Variants in BZW2 observed in about 807,000 individuals in gnomAD.
The protein encoded by BZW2 is eIF5-mimic protein 1.
A neutral mutation model predicts 53.2 loss-of-function variants in BZW2; 23 were observed. The observed-to-expected ratio is 0.43, with a 90% CI of 0.31 to 0.61. BZW2 has a LOEUF of 0.61. BZW2 is among the 20% of genes least tolerant of loss of function. The pLI, the probability that BZW2 is intolerant of heterozygous loss-of-function variation, is 0.09. For synonymous variants in BZW2, 227 were observed against 186.4 expected, an observed-to-expected ratio of 1.22 and a Z score of -1.77; for missense variants, 409 against 503.1, an observed-to-expected ratio of 0.81 and a Z score of 1.79.
intron 5 of BZW2, 81 bp from the exon 6 acceptor site, chr7:16,685,824 C>T: frequency 7.0e-7 from 1 of 1,438,656 alleles, no homozygotes; most frequent in Non-Finnish European, 9.1e-7. Context: ...TATCTTCCCA[C>T]TTCAGTCCTT....
At chr7:16,666,438 C>T (rs1036980991) in intron 2 of BZW2, among the ~76,000 whole-genome samples, 6 of 128,480 alleles carry the variant, frequency 4.7e-5, no homozygotes, top group Non-Finnish European at 8.7e-5. Context: ...GAGTCTTGCT[C>T]CGTCGTCAGG....
intron 2 of BZW2, among the ~76,000 whole-genome samples, chr7:16,670,571 A>G (rs570509083): frequency 7.9e-5 from 12 of 152,298 alleles, no homozygotes; most frequent in African/African-American, 2.9e-4. Context: ...TTCTCATATT[A>G]TAGGAAAGAA....
rs1783851758 is a variant in BZW2 at position 16,706,193 on chromosome 7, A to T, written c.*105A>T. ...TTGGCTTCTGTTTTCGCAAAGGAAAAAAAAAATAGGATAGGCTTCCCTTGT... is the reference window on the plus strand; with the variant it reads ...TTGGCTTCTGTTTTCGCAAAGGAAATAAAAAATAGGATAGGCTTCCCTTGT... On this transcript the variant is annotated 3_prime_UTR_variant, in exon 12 of 12. Transcript: ENST00000258761. The T allele has an allele frequency of 4.7e-6, 6 of 1,276,812 alleles. No individual in the cohort carries two copies. In the East Asian group the frequency reaches 1.4e-4, roughly 30 times the overall value. The allele number at this position is 1,276,812 out of a possible 1,614,324, so 79.1% of individuals were successfully genotyped here. A position where few individuals can be genotyped will look rare whatever the true frequency, so the allele number is the denominator to read the frequency against.
chr7:16,666,419 T>TTATTTACG (rs745428931), intron 2 of BZW2, among the ~76,000 whole-genome samples: 29 of 151,022 alleles, frequency 1.9e-4, no homozygotes, highest in Middle Eastern at 6.8e-3. Flanking sequence ...ATTTATTTAT[T>TTATTTACG]TAGAGACGGA....
Position 16,706,289 on chromosome 7 carries a change from G to A in BZW2, c.*201G>A. The A allele has an allele frequency of 1.8e-6, 1 of 570,256 alleles. No homozygotes were observed. The highest frequency in any genetic ancestry group is 3.1e-6 in the Non-Finnish European group (1 of 325,294). 35.3% of individuals were successfully genotyped at this position (570,256 alleles called of 1,614,324 possible). On this transcript the variant is annotated 3_prime_UTR_variant, in exon 12 of 12. Transcript: ENST00000258761. ...CCCTGAGGCATCAGCTATTATACTT[G>A]GGACTCTACCTCTCACTCACTATAT... is the stretch of plus-strand genomic sequence containing the variant.
intron 2 of BZW2, among the ~76,000 whole-genome samples, chr7:16,668,838 C>G (rs572379619): frequency 6.6e-6 from 1 of 152,340 alleles, no homozygotes; most frequent in African/African-American, 2.4e-5. Context: ...TAATCAGATT[C>G]TCTTTTCCTT....
intron 1 of BZW2, among the ~76,000 whole-genome samples, chr7:16,647,089 G>A (rs1781887341): frequency 6.6e-6 from 1 of 152,144 alleles, no homozygotes; most frequent in Non-Finnish European, 1.5e-5. Context: ...TTCGACCATA[G>A]GTAGATGGGG....
chr7:16,677,611 T>A (rs954878667), intron 3 of BZW2, among the ~76,000 whole-genome samples: 2 of 152,118 alleles, frequency 1.3e-5, no homozygotes, highest in Non-Finnish European at 2.9e-5. Flanking sequence ...TGGGGCTCCA[T>A]TTGAAGAACA....
In BZW2 at chr7:16,682,803, A is replaced by G. The variant is rs1317666292; in HGVS notation, c.363A>G (p.Arg121=). The G allele has an allele frequency of 1.3e-6, 2 of 1,582,026 alleles. No homozygotes were observed. The highest frequency in any genetic ancestry group is 8.6e-7 in the Non-Finnish European group (1 of 1,159,930). The change falls in exon 5 of 12, where the codon AGA becomes AGG. Residue 121 remains arginine (R), a synonymous_variant. Coordinates refer to ENST00000258761, the MANE Select transcript of BZW2 (RefSeq NM_014038.3). ...YAQVFNKLIR[R]YKYLEKAFED... ...AGGTCTTCAATAAACTCATCAGGAG[A>G]TATAAGTATTTGGAGAAGGCATTTG...
At chr7:16,682,195 A>G (rs927959445) in intron 4 of BZW2, among the ~76,000 whole-genome samples, 33 of 152,232 alleles carry the variant, frequency 2.2e-4, no homozygotes, top group African/African-American at 5.8e-4. Context: ...CACAGTTATT[A>G]AAATAACCAA....
At chr7:16,674,656 A>G (rs1408052467) in intron 3 of BZW2, 68 bp downstream of exon 3, 2 of 1,268,784 alleles carry the variant, frequency 1.6e-6, no homozygotes, top group African/African-American at 3.0e-5. Context: ...GTATTTCCTT[A>G]TAAGATAGAG....
At chr7:16,698,337 A>T (rs1420474824) in intron 10 of BZW2, 151 bp downstream of exon 10, 9 of 1,069,812 alleles carry the variant, frequency 8.4e-6, no homozygotes, top group African/African-American at 1.6e-5. Flanking sequence ...AGGCAACCAT[A>T]CCATGTAGAG....
intron 2 of BZW2, among the ~76,000 whole-genome samples, chr7:16,674,146 T>C (rs544633567): frequency 9.9e-5 from 15 of 152,230 alleles, no homozygotes; most frequent in Non-Finnish European, 2.1e-4. Flanking sequence ...GTGATCCACC[T>C]GCCTTGGCCT....
intron 7 of BZW2, 68 bp downstream of exon 7, chr7:16,689,974 TGTA>T: frequency 8.6e-7 from 1 of 1,166,656 alleles, no homozygotes; most frequent in Non-Finnish European, 1.2e-6. Flanking sequence ...ATGCCTGCAA[TGTA>T]GTATATGAGT....
chr7:16,668,058 C>T (rs1782484528), intron 2 of BZW2, among the ~76,000 whole-genome samples: 2 of 152,130 alleles, frequency 1.3e-5, no homozygotes, highest in Non-Finnish European at 2.9e-5. Flanking sequence ...TATTGTGGAG[C>T]CTAGTAATGT....
chr7:16,646,775 GGAAGCTGTA>G (rs1381082139), intron 1 of BZW2, among the ~76,000 whole-genome samples: 1 of 152,198 alleles, frequency 6.6e-6, no homozygotes, highest in Non-Finnish European at 1.5e-5. Flanking sequence ...TGGCCTCTGT[GGAAGCTGTA>G]GAAGAAAACC....
intron 10 of BZW2, 73 bp downstream of exon 10, chr7:16,698,259 G>A (rs1214346502): frequency 1.9e-6 from 3 of 1,575,496 alleles, no homozygotes; most frequent in African/African-American, 1.3e-5. Flanking sequence ...CAGGCAATGA[G>A]GCAGAGGAGG....
chr7:16,706,181 T>C lies in BZW2; in HGVS notation c.*93T>C. ...GAGAAGAGAAACTTGGCTTCTGTTT[T>C]CGCAAAGGAAAAAAAAAATAGGATA... On this transcript the variant is annotated 3_prime_UTR_variant, in exon 12 of 12. Transcript: ENST00000258761. The C allele has an allele frequency of 1.4e-6, 2 of 1,410,564 alleles. No individual in the cohort carries two copies. The highest frequency in any genetic ancestry group is 1.5e-5 in the African/African-American group (1 of 68,714). The allele number at this position is 1,410,564 out of a possible 1,614,324, so 87.4% of individuals were successfully genotyped here. A position where few individuals can be genotyped will look rare whatever the true frequency, so the allele number is the denominator to read the frequency against.
intron 1 of BZW2, among the ~76,000 whole-genome samples, chr7:16,655,994 C>CA (rs74513234): frequency 2.7e-5 from 4 of 149,842 alleles, no homozygotes; most frequent in East Asian, 1.9e-4. Context: ...AACCACAGTG[C>CA]AAAAAAAAAT....
Sources: gnomAD v4.1 joint callset for allele counts (sites outside exome capture counted in the v4.1 genomes callset) on GRCh38, gnomAD v4.1.1 for gene constraint, MANE v1.5 for transcripts, NCBI Gene and HGNC (gene_info 2026-07-23, HGNC 2026-07-21) for gene names.